DACH2: variants seen among roughly 807,000 people sequenced by gnomAD.
The protein encoded by DACH2 is dachshund homolog 2.
Under a neutral mutation model 35.8 loss-of-function variants are expected in DACH2, and 17 were observed. That is an observed-to-expected ratio of 0.48 (90% CI 0.33 to 0.71). The LOEUF is 0.71. Among genes scored for constraint, DACH2 ranks in the 30% least tolerant of loss-of-function variants. The pLI is 0.02. For missense variants in DACH2, 469 were observed against 472.7 expected (o/e 0.99, Z 0.07); for synonymous variants, 195 against 177.3 (o/e 1.10, Z -0.79).
intron 2 of DACH2, among the ~76,000 whole-genome samples, chrX:86,468,854 C>T (rs981176983): frequency 1.8e-5 from 2 of 111,596 alleles, no homozygotes; most frequent in African/African-American, 3.3e-5. Context: ...CCACTGCTGG[C>T]TATGTCTCCA....
chrX:86,366,795 C>T (rs991949035), intron 1 of DACH2, among the ~76,000 whole-genome samples: 2 of 109,398 alleles, frequency 1.8e-5, no homozygotes, highest in Non-Finnish European at 3.8e-5. Context: ...GACCCCACCC[C>T]CCTTTTTGCT....
At chrX:86,526,347 C>T (rs988745589) in intron 3 of DACH2, among the ~76,000 whole-genome samples, 1 of 111,438 alleles carries the variant, frequency 9.0e-6, no homozygotes, top group Non-Finnish European at 1.9e-5. Flanking sequence ...GCACCTAGAA[C>T]TCACCTTTTA....
chrX:86,677,318 C>T (rs2040835077), intron 4 of DACH2, among the ~76,000 whole-genome samples: 1 of 111,754 alleles, frequency 8.9e-6, no homozygotes, highest in Non-Finnish European at 1.9e-5. Context: ...TAAAGCTGGC[C>T]CTGCCTTTTC....
rs192035619 is a variant in DACH2 at position 86,477,521 on chromosome X, A to G, written c.528-36758A>G. On this transcript the variant is annotated intron_variant, in intron 2 of 11. Transcript: ENST00000373125. ...TGTTTTTTTTATTGGCAGGGATTAT[A>G]TTTTTTCTCTGTATTTTCACCCTAT... is the stretch of plus-strand genomic sequence containing the variant. Among the ~76,000 whole-genome samples, 30 of 107,191 alleles carry G rather than the reference A, an allele frequency of 2.8e-4. No individual in the cohort carries two copies. In the East Asian group the frequency reaches 3.5e-3, roughly 13 times the overall value. The allele number at this position is 107,191 out of a possible 115,157, so 93.1% of individuals were successfully genotyped here. A position where few individuals can be genotyped will look rare whatever the true frequency, so the allele number is the denominator to read the frequency against.
intron 3 of DACH2, among the ~76,000 whole-genome samples, chrX:86,547,264 T>C (rs2038988399): frequency 8.9e-6 from 1 of 111,749 alleles, no homozygotes; most frequent in African/African-American, 3.3e-5. Context: ...CCAATGTGCA[T>C]GGCAATTAAA....
At chrX:86,689,326 A>G (rs1359702603) in intron 4 of DACH2, among the ~76,000 whole-genome samples, 3 of 111,396 alleles carry the variant, frequency 2.7e-5, no homozygotes, top group African/African-American at 6.5e-5. Flanking sequence ...GCACCTTTAC[A>G]CATACATGCC....
At chrX:86,536,148 T>G (rs1158898366) in intron 3 of DACH2, among the ~76,000 whole-genome samples, 2 of 110,844 alleles carry the variant, frequency 1.8e-5, no homozygotes, top group South Asian at 7.8e-4. Flanking sequence ...TGTTTATAGC[T>G]TTCTTTGGGA....
intron 1 of DACH2, among the ~76,000 whole-genome samples, chrX:86,262,756 G>A (rs2033649587): frequency 8.9e-6 from 1 of 111,865 alleles, no homozygotes; most frequent in African/African-American, 3.2e-5. Context: ...GAACTACAGT[G>A]GAAAAAATGG....
At chrX:86,165,066 T>C (rs777738462) in intron 1 of DACH2, among the ~76,000 whole-genome samples, 2 of 111,736 alleles carry the variant, frequency 1.8e-5, no homozygotes, top group Non-Finnish European at 3.8e-5. Context: ...TTTTGACCCA[T>C]AAGCATGGGA....
intron 1 of DACH2, among the ~76,000 whole-genome samples, chrX:86,252,352 T>A (rs901491052): frequency 7.2e-5 from 8 of 111,376 alleles, no homozygotes; most frequent in Non-Finnish European, 1.3e-4. Context: ...TCTAATTAAG[T>A]CCCATATATT....
intron 3 of DACH2, among the ~76,000 whole-genome samples, chrX:86,519,226 T>C (rs1414477466): frequency 8.9e-6 from 1 of 112,425 alleles, no homozygotes; most frequent in Non-Finnish European, 1.9e-5. Flanking sequence ...TGAACCAACC[T>C]TACATCCTGA....
intron 4 of DACH2, among the ~76,000 whole-genome samples, chrX:86,690,158 G>T (rs2040993164): frequency 8.9e-6 from 1 of 111,978 alleles, no homozygotes; most frequent in Non-Finnish European, 1.9e-5. Context: ...CTAAGGTGAA[G>T]AATGATTGCT....
chrX:86,763,343 G>A (rs1212648132), intron 7 of DACH2, among the ~76,000 whole-genome samples: 1 of 112,266 alleles, frequency 8.9e-6, no homozygotes, highest in African/African-American at 3.2e-5. Context: ...ATATAATACT[G>A]ACTGAAAGAA....
At chrX:86,405,346 A>G (rs185907711) in intron 2 of DACH2, among the ~76,000 whole-genome samples, 1 of 111,519 alleles carries the variant, frequency 9.0e-6, no homozygotes, top group Admixed American at 9.6e-5. Context: ...CTTCCTGCAT[A>G]TACCCTAAAT....
intron 1 of DACH2, among the ~76,000 whole-genome samples, chrX:86,223,770 C>T (rs1238291546): frequency 8.9e-6 from 1 of 112,097 alleles, no homozygotes; most frequent in Non-Finnish European, 1.9e-5. Flanking sequence ...GACAGAGGAA[C>T]AGAGATAGAT....
At chrX:86,214,926 G>A (rs1484058218) in intron 1 of DACH2, among the ~76,000 whole-genome samples, 1 of 111,062 alleles carries the variant, frequency 9.0e-6, no homozygotes, top group Admixed American at 9.6e-5. Flanking sequence ...CAAGTTATTA[G>A]CATTCTAAAA....
intron 3 of DACH2, among the ~76,000 whole-genome samples, chrX:86,530,319 T>C (rs1394259209): frequency 8.9e-6 from 1 of 111,929 alleles, no homozygotes; most frequent in Non-Finnish European, 1.9e-5. Flanking sequence ...GTTTATATGG[T>C]TTGGCTCTGT....
At chrX:86,295,407 C>G (rs6617211) in intron 1 of DACH2, among the ~76,000 whole-genome samples, 36 of 111,513 alleles carry the variant, frequency 3.2e-4, no homozygotes, top group African/African-American at 1.1e-3. Context: ...GAGCTGTAGA[C>G]CGCAGCTGTT....
intron 1 of DACH2, among the ~76,000 whole-genome samples, chrX:86,254,603 A>G (rs1364349726): frequency 6.6e-5 from 7 of 105,897 alleles, no homozygotes; most frequent in African/African-American, 2.1e-4. Context: ...TAGTAATTCA[A>G]CCATCTCCTG....
Sources: allele counts gnomAD v4.1 joint callset (sites outside exome capture counted in the v4.1 genomes callset), GRCh38; gene constraint gnomAD v4.1.1; transcripts MANE v1.5; gene names NCBI Gene and HGNC (gene_info 2026-07-23, HGNC 2026-07-21).